The following FRMD6 variants were observed in gnomAD, a reference collection of about 807,000 sequenced individuals.
FRMD6 encodes FERM domain containing 6.
FRMD6 carries 37 observed loss-of-function variants against 73.2 expected under a neutral mutation model. That is an observed-to-expected ratio of 0.51 (90% CI 0.39 to 0.66). The LOEUF is 0.66. Ranked by LOEUF, FRMD6 falls within the 30% of genes least tolerant of loss-of-function variation. The pLI is 0.00. For missense variants in FRMD6, 714 were observed against 780.5 expected, an observed-to-expected ratio of 0.91 and a Z score of 1.02; for synonymous variants, 273 against 282.2, an observed-to-expected ratio of 0.97 and a Z score of 0.33.
intron 2 of FRMD6, among the ~76,000 whole-genome samples, chr14:51,596,365 T>C (rs1889715515): frequency 6.6e-6 from 1 of 152,036 alleles, no homozygotes; most frequent in Non-Finnish European, 1.5e-5. Flanking sequence ...AGTATTGCAC[T>C]GTGAACCGTG....
At chr14:51,418,561 G>A in the FRMD6 span, among the ~76,000 whole-genome samples, 253 of 152,304 alleles carry the variant, frequency 1.7e-3, 1 homozygote, top group Non-Finnish European at 2.9e-3. Context: ...CATCCCAGAG[G>A]GGCACCTGCC....
chr14:51,477,478 AG>A, the FRMD6 span, among the ~76,000 whole-genome samples: 1 of 152,088 alleles, frequency 6.6e-6, no homozygotes, highest in African/African-American at 2.4e-5. Flanking sequence ...TGAGGATACA[AG>A]GGGGGAAACA....
At chr14:51,494,272 T>A (rs1192244856) in intron 1 of FRMD6, among the ~76,000 whole-genome samples, 1 of 152,172 alleles carries the variant, frequency 6.6e-6, no homozygotes, top group Non-Finnish European at 1.5e-5. Context: ...TGGATGAGAT[T>A]TAAGATATGA....
intron 2 of FRMD6, among the ~76,000 whole-genome samples, chr14:51,601,891 A>AT (rs1890052012): frequency 6.6e-6 from 1 of 151,994 alleles, no homozygotes; most frequent in Non-Finnish European, 1.5e-5. Context: ...TTGAATTTTT[A>AT]TTTTTTCTTG....
In FRMD6 at chr14:51,722,231, C is replaced by T. The variant is rs45506100; in HGVS notation, c.1492+151C>T. ...CTCTTCAGGTCAGTGTTGTAAACTG[C>T]AGGATCCTGTGCCTTCTGTGGAAGG... On this transcript the variant is annotated intron_variant, in intron 12 of 13. Coordinates refer to ENST00000344768, the MANE Select transcript of FRMD6 (RefSeq NM_001267046.2). 5,318 of 720,142 alleles carry T rather than the reference C, an allele frequency of 7.4e-3. 33 individuals are homozygous for T. Among genetic ancestry groups the T allele is most frequent in the Non-Finnish European group, 1.0e-2 (4,480 of 448,550 alleles). The allele number at this position is 720,142 out of a possible 1,614,324, so 44.6% of individuals were successfully genotyped here. A position where few individuals can be genotyped will look rare whatever the true frequency, so the allele number is the denominator to read the frequency against.
At chr14:51,631,909 C>T (rs1188237983) in intron 2 of FRMD6, among the ~76,000 whole-genome samples, 1 of 152,192 alleles carries the variant, frequency 6.6e-6, no homozygotes, top group South Asian at 2.1e-4. Context: ...GCAGTAATAA[C>T]ATTAGCATAG....
the FRMD6 span, among the ~76,000 whole-genome samples, chr14:51,440,338 A>G: frequency 8.5e-5 from 13 of 152,366 alleles, no homozygotes; most frequent in East Asian, 2.1e-3. Flanking sequence ...GTGCTTACAC[A>G]TTCAAATTTT....
intron 1 of FRMD6, among the ~76,000 whole-genome samples, chr14:51,497,833 T>A (rs4901129): frequency 6.6e-6 from 1 of 151,960 alleles, no homozygotes; most frequent in Admixed American, 6.6e-5. Flanking sequence ...AGCTCTATAT[T>A]ACCCAGAGAT....
rs569180258 is a variant in FRMD6, at chr14:51,558,830, G to A, written c.-209-11518G>A. Among the ~76,000 whole-genome samples the A allele has an allele frequency of 2.0e-5, 3 of 152,254 alleles. No homozygotes were observed. In the South Asian group the frequency reaches 6.2e-4, roughly 32 times the overall value. Reference sequence around the variant, plus strand: ...ATTCTTCACTGTCAGGATGCCACCTGTCATTTCTTGCTATCACTGGTGTCT... The same window carrying A: ...ATTCTTCACTGTCAGGATGCCACCTATCATTTCTTGCTATCACTGGTGTCT... On this transcript the variant is annotated intron_variant, in intron 1 of 14. Coordinates refer to the FRMD6 transcript ENST00000356218.
the FRMD6 span, among the ~76,000 whole-genome samples, chr14:51,443,021 A>G: frequency 1.3e-5 from 2 of 152,122 alleles, no homozygotes; most frequent in Non-Finnish European, 2.9e-5. Flanking sequence ...TGGCTTCCCC[A>G]TACTTGAGGT....
the FRMD6 span, among the ~76,000 whole-genome samples, chr14:51,467,833 C>T: frequency 6.6e-6 from 1 of 151,976 alleles, no homozygotes; most frequent in Non-Finnish European, 1.5e-5. Context: ...AGGGGCTCCT[C>T]ACATCCCAGA....
chr14:51,510,289 A>G (rs1285722478), intron 1 of FRMD6, among the ~76,000 whole-genome samples: 2 of 152,232 alleles, frequency 1.3e-5, no homozygotes, highest in African/African-American at 4.8e-5. Flanking sequence ...AAGGTTACAC[A>G]AGGAGGGAGT....
intron 11 of FRMD6, among the ~76,000 whole-genome samples, 188 bp from the exon 12 acceptor site, chr14:51,721,761 G>GGGAAGGAGGGAAGGAGGCAAGGAA (rs750853411): frequency 7.3e-6 from 1 of 137,236 alleles, no homozygotes; most frequent in Non-Finnish European, 1.6e-5. Context: ...GAAGGAAGGA[G>GGGAAGGAGGGAAGGAGGCAAGGAA]GGAAGGAGGG....
At chr14:51,445,522 A>G in the FRMD6 span, among the ~76,000 whole-genome samples, 3 of 151,052 alleles carry the variant, frequency 2.0e-5, no homozygotes, top group Admixed American at 6.6e-5. Context: ...AAGTTATACA[A>G]TGTTAAAGCT....
intron 2 of FRMD6, among the ~76,000 whole-genome samples, chr14:51,608,718 C>T (rs1890365734): frequency 6.6e-6 from 1 of 152,176 alleles, no homozygotes; most frequent in South Asian, 2.1e-4. Context: ...CCCTCAACCC[C>T]CAGCCCAACT....
chr14:51,676,390 C>G (rs1390414546), intron 1 of FRMD6, among the ~76,000 whole-genome samples: 1 of 152,108 alleles, frequency 6.6e-6, no homozygotes, highest in Non-Finnish European at 1.5e-5. Flanking sequence ...ATACTAGGAG[C>G]TCTAAGGCTT....
intron 2 of FRMD6, among the ~76,000 whole-genome samples, chr14:51,599,058 C>CTTTTCTTTTTTTTTT (rs1158794443): frequency 2.5e-4 from 18 of 72,820 alleles, no homozygotes; most frequent in East Asian, 9.7e-4. Flanking sequence ...CAGTATCTGT[C>CTTTTCTTTTTTTTTT]TTTTTTTTTT....
At chr14:51,524,506 T>C (rs1312227560) in intron 1 of FRMD6, among the ~76,000 whole-genome samples, 1 of 151,622 alleles carries the variant, frequency 6.6e-6, no homozygotes, top group Non-Finnish European at 1.5e-5. Context: ...TTGCTGTTCT[T>C]TCATATACAT....
chr14:51,580,192 A>G (rs1439610565), intron 2 of FRMD6, among the ~76,000 whole-genome samples: 1 of 151,706 alleles, frequency 6.6e-6, no homozygotes, highest in East Asian at 1.9e-4. Context: ...TTATCTGGCT[A>G]CCTCTCGTGG....
Sources: gnomAD v4.1 joint callset for allele counts (sites outside exome capture counted in the v4.1 genomes callset) on GRCh38, gnomAD v4.1.1 for gene constraint, MANE v1.5 for transcripts, NCBI Gene and HGNC (gene_info 2026-07-23, HGNC 2026-07-21) for gene names.